Variants in MTUS1 observed in about 807,000 individuals in gnomAD.
MTUS1 encodes microtubule associated scaffold protein 1, also known as microtubule-associated tumor suppressor 1.
MTUS1 carries 109 observed loss-of-function variants against 120.8 expected under a neutral mutation model. That is an observed-to-expected ratio of 0.90 (90% CI 0.77 to 1.06). The LOEUF (loss-of-function observed/expected upper bound fraction) is 1.06. Ranked by LOEUF, MTUS1 falls within the 50% of genes least tolerant of loss-of-function variation. The pLI, the probability that MTUS1 is intolerant of heterozygous loss-of-function variation, is 0.00. For synonymous variants in MTUS1, 737 were observed against 550.5 expected, an observed-to-expected ratio of 1.34 and a Z score of -4.74; for missense variants, 2,210 against 1,486.3, an observed-to-expected ratio of 1.49 and a Z score of -8.01.
intron 1 of MTUS1, among the ~76,000 whole-genome samples, chr8:17,774,250 G>C (rs561190442): frequency 6.6e-6 from 1 of 152,272 alleles, no homozygotes; most frequent in South Asian, 2.1e-4. Context: ...CTACTAGTTT[G>C]GGAAAACACT....
chr8:17,699,371 T>C (rs966379002), intron 6 of MTUS1, among the ~76,000 whole-genome samples: 1 of 152,092 alleles, frequency 6.6e-6, no homozygotes, highest in African/African-American at 2.4e-5. Flanking sequence ...CCCGCCACCA[T>C]GCCTGGCTAA....
At position 17,656,066 on chromosome 8, in the gene MTUS1, C is replaced by A; in HGVS notation, c.2906-1G>T. The stretch of plus-strand genomic sequence containing the variant: ...TTCTCACAGGTGGTTGAAGCAGTGA[C>A]TGAAAACAGAGGAGAAAGAAGAGGG... On this transcript the variant is annotated splice_acceptor_variant, in intron 8 of 14. Coordinates refer to ENST00000693296, the MANE Select transcript of MTUS1 (RefSeq NM_001363059.2). LOFTEE classifies it high-confidence loss of function. The A allele has an allele frequency of 6.2e-7, 1 of 1,613,864 alleles. No homozygotes were observed. Among genetic ancestry groups the A allele is most frequent in the Non-Finnish European group, 8.5e-7 (1 of 1,179,814 alleles).
chr8:17,708,574 T>C (rs1047763950), intron 6 of MTUS1, among the ~76,000 whole-genome samples: 5 of 152,220 alleles, frequency 3.3e-5, no homozygotes, highest in East Asian at 1.9e-4. Flanking sequence ...GAGCTACCAA[T>C]TGAGCCAGTT....
At chr8:17,730,632 A>G (rs976188037) in intron 3 of MTUS1, among the ~76,000 whole-genome samples, 4 of 152,236 alleles carry the variant, frequency 2.6e-5, no homozygotes, top group Non-Finnish European at 2.9e-5. Flanking sequence ...TGGTACAGAT[A>G]TACCACGGAA....
At chr8:17,730,199 C>T (rs1018628969) in intron 3 of MTUS1, among the ~76,000 whole-genome samples, 4 of 151,976 alleles carry the variant, frequency 2.6e-5, no homozygotes, top group Admixed American at 6.6e-5. Flanking sequence ...GAAAGCAGGC[C>T]GGGGGTGGTG....
At chr8:17,672,507 T>C (rs1025929458) in intron 8 of MTUS1, among the ~76,000 whole-genome samples, 1 of 152,246 alleles carries the variant, frequency 6.6e-6, no homozygotes, top group African/African-American at 2.4e-5. Context: ...CCAACTTTGC[T>C]ATGTCAATGT....
rs189755035 is a variant in MTUS1 at position 17,647,613 on chromosome 8, C to A, written c.3502-534G>T. On this transcript the variant is annotated intron_variant, in intron 13 of 14. Coordinates refer to ENST00000693296, the MANE Select transcript of MTUS1 (RefSeq NM_001363059.2). ...CATACAAAGCTTCAATTCGATAGAG[C>A]TCTTAGAGCATGCCATCAAAGAAGT... is the stretch of plus-strand genomic sequence containing the variant. 2.6e-5 allele frequency among the ~76,000 whole-genome samples: 4 copies of A among 152,294 alleles called. No individual in the cohort carries two copies. The East Asian group carries it at 7.7e-4, about 29-fold the overall frequency.
intron 1 of MTUS1, among the ~76,000 whole-genome samples, chr8:17,756,783 G>A (rs1485469704): frequency 6.6e-6 from 1 of 151,858 alleles, no homozygotes; most frequent in Non-Finnish European, 1.5e-5. Flanking sequence ...GCCCTTAGAA[G>A]AAGGGAAAGT....
chr8:17,752,265 C>T (rs1222623068), intron 2 of MTUS1, among the ~76,000 whole-genome samples: 2 of 152,018 alleles, frequency 1.3e-5, no homozygotes, highest in Non-Finnish European at 2.9e-5. Flanking sequence ...GGGACTGACA[C>T]ACCAAAAAAA....
intron 3 of MTUS1, among the ~76,000 whole-genome samples, chr8:17,724,473 T>C (rs2046078533): frequency 6.6e-6 from 1 of 151,976 alleles, no homozygotes; most frequent in Non-Finnish European, 1.5e-5. Flanking sequence ...CACCAGGTGG[T>C]GCTATACTAT....
At chr8:17,658,242 G>A (rs1181467245) in intron 8 of MTUS1, among the ~76,000 whole-genome samples, 1 of 152,180 alleles carries the variant, frequency 6.6e-6, no homozygotes, top group African/African-American at 2.4e-5. Context: ...TACCATGTTG[G>A]TCAGGCTGTT....
At chr8:17,696,226 A>G (rs554719701) in intron 6 of MTUS1, among the ~76,000 whole-genome samples, 1 of 152,266 alleles carries the variant, frequency 6.6e-6, no homozygotes, top group East Asian at 1.9e-4. Context: ...ATCAAATGAC[A>G]GGTCAAGGGG....
intron 1 of MTUS1, among the ~76,000 whole-genome samples, chr8:17,781,256 G>C (rs1283516313): frequency 6.6e-6 from 1 of 152,170 alleles, no homozygotes; most frequent in Non-Finnish European, 1.5e-5. Flanking sequence ...AAAAGATTTT[G>C]TCTGAATTTC....
intron 8 of MTUS1, among the ~76,000 whole-genome samples, chr8:17,669,884 G>T (rs1811664058): frequency 6.6e-6 from 1 of 152,018 alleles, no homozygotes. Context: ...AGAGACACAT[G>T]TCAGCCTGAC....
At chr8:17,662,479 C>G (rs1034186678) in intron 8 of MTUS1, among the ~76,000 whole-genome samples, 1 of 151,362 alleles carries the variant, frequency 6.6e-6, no homozygotes, top group Non-Finnish European at 1.5e-5. Flanking sequence ...CCACAGCCTC[C>G]CGAGTAGCTG....
At chr8:17,655,553 G>T (rs970820946) in intron 9 of MTUS1, among the ~76,000 whole-genome samples, 1 of 151,974 alleles carries the variant, frequency 6.6e-6, no homozygotes, top group Non-Finnish European at 1.5e-5. Context: ...GTGAAACCCC[G>T]TCTCTACTAA....
intron 8 of MTUS1, among the ~76,000 whole-genome samples, chr8:17,663,488 T>C (rs1248207203): frequency 2.0e-5 from 3 of 152,248 alleles, no homozygotes; most frequent in Non-Finnish European, 4.4e-5. Context: ...ATAAATGTCC[T>C]AATAGGATAG....
intron 6 of MTUS1, 84 bp downstream of exon 6, chr8:17,713,130 A>G: frequency 2.8e-6 from 3 of 1,087,540 alleles, no homozygotes; most frequent in Non-Finnish European, 4.2e-6. Context: ...TAAGCACACC[A>G]GTAAAAAATC....
intron 1 of MTUS1, among the ~76,000 whole-genome samples, chr8:17,763,819 C>T (rs952850097): frequency 6.6e-6 from 1 of 152,164 alleles, no homozygotes; most frequent in Admixed American, 6.5e-5. Context: ...TTCCAGACAG[C>T]AGAATGTGAG....
Sources: gnomAD v4.1 joint callset for allele counts (sites outside exome capture counted in the v4.1 genomes callset) on GRCh38, gnomAD v4.1.1 for gene constraint, MANE v1.5 for transcripts, NCBI Gene and HGNC (gene_info 2026-07-23, HGNC 2026-07-21) for gene names.